Variants in PPP3CA observed in about 807,000 individuals in gnomAD.
PPP3CA encodes CAM-PRP catalytic subunit.
Under a neutral mutation model 66.5 loss-of-function variants are expected in PPP3CA, and 14 were observed. That is an observed-to-expected ratio of 0.21 (90% confidence interval 0.14 to 0.33). The LOEUF is 0.33. Among genes scored for constraint, PPP3CA ranks in the 10% least tolerant of loss-of-function variants. The pLI, the probability that PPP3CA is intolerant of heterozygous loss-of-function variation, is 1.00. For synonymous variants in PPP3CA, 232 were observed against 226.2 expected (o/e 1.03, Z -0.23); for missense variants, 317 against 639.5 (o/e 0.50, Z 5.44).
chr4:101,333,255 G>C (rs115527304), intron 1 of PPP3CA, among the ~76,000 whole-genome samples: 1,783 of 125,748 alleles, frequency 0.014, 52 homozygotes, highest in African/African-American at 0.051. Context: ...CTACAGGCAT[G>C]CACTACCATG....
At chr4:101,235,967 C>A (rs1726114823) in intron 1 of PPP3CA, among the ~76,000 whole-genome samples, 1 of 150,918 alleles carries the variant, frequency 6.6e-6, no homozygotes, top group Non-Finnish European at 1.5e-5. Context: ...TCAAATTCAC[C>A]ATGGCTGGAC....
intron 2 of PPP3CA, among the ~76,000 whole-genome samples, chr4:101,193,788 T>TC (rs778344533): frequency 2.1e-3 from 289 of 136,784 alleles, no homozygotes; most frequent in East Asian, 0.015. Context: ...CATTTTAACT[T>TC]TAAAAAATGC....
chr4:101,099,933 T>A (rs1039913467), intron 3 of PPP3CA, among the ~76,000 whole-genome samples: 6 of 151,670 alleles, frequency 4.0e-5, no homozygotes, highest in African/African-American at 1.5e-4. Flanking sequence ...AAAACATACA[T>A]ACACGCACTG....
intron 5 of PPP3CA, among the ~76,000 whole-genome samples, chr4:101,098,141 G>A (rs186627656): frequency 4.1e-4 from 63 of 152,172 alleles, no homozygotes; most frequent in African/African-American, 1.4e-3. Flanking sequence ...AAAGACACAT[G>A]TCAGATGGTA....
chr4:101,209,383 A>G (rs967764293), intron 1 of PPP3CA, among the ~76,000 whole-genome samples: 1 of 152,174 alleles, frequency 6.6e-6, no homozygotes, highest in Admixed American at 6.6e-5. Context: ...GGGGGACCCA[A>G]TTATTACTGT....
At chr4:101,216,556 T>G (rs1725462990) in intron 1 of PPP3CA, among the ~76,000 whole-genome samples, 1 of 152,102 alleles carries the variant, frequency 6.6e-6, no homozygotes, top group Admixed American at 6.6e-5. Flanking sequence ...TTTCTTTTCT[T>G]AAGACAGGGT....
chr4:101,238,766 G>C (rs1396752847), intron 1 of PPP3CA, among the ~76,000 whole-genome samples: 2 of 152,008 alleles, frequency 1.3e-5, no homozygotes, highest in Non-Finnish European at 2.9e-5. Context: ...TGTAAAAAGA[G>C]AAACCAGAAT....
intron 1 of PPP3CA, among the ~76,000 whole-genome samples, chr4:101,303,612 T>C (rs1419538093): frequency 6.6e-6 from 1 of 152,220 alleles, no homozygotes; most frequent in African/African-American, 2.4e-5. Flanking sequence ...AATACATCTT[T>C]AACAATTAAC....
At chr4:101,218,159 G>T (rs1470661647) in intron 1 of PPP3CA, among the ~76,000 whole-genome samples, 11 of 152,056 alleles carry the variant, frequency 7.2e-5, no homozygotes, top group Non-Finnish European at 1.6e-4. Context: ...CAAAGAATGA[G>T]TGTGAAGGGA....
intron 1 of PPP3CA, among the ~76,000 whole-genome samples, chr4:101,312,120 G>A (rs1159578449): frequency 6.6e-6 from 1 of 151,898 alleles, no homozygotes; most frequent in Non-Finnish European, 1.5e-5. Flanking sequence ...AGACAATCAG[G>A]AGTCAATAAA....
intron 3 of PPP3CA, among the ~76,000 whole-genome samples, chr4:101,101,596 AATAC>A (rs1260533715): frequency 6.6e-6 from 1 of 152,086 alleles, no homozygotes; most frequent in African/African-American, 2.4e-5. Context: ...TGGGGGAGAG[AATAC>A]ATGTTCTGAA....
chr4:101,224,865 G>A (rs1208793190), intron 1 of PPP3CA, among the ~76,000 whole-genome samples: 3 of 151,680 alleles, frequency 2.0e-5, no homozygotes, highest in Non-Finnish European at 4.4e-5. Context: ...TCAGAGAAAA[G>A]CCAAAGCCCT....
At chr4:101,055,819 T>C (rs891145656) in intron 10 of PPP3CA, among the ~76,000 whole-genome samples, 1 of 152,066 alleles carries the variant, frequency 6.6e-6, no homozygotes, top group African/African-American at 2.4e-5. Context: ...GCAAAATCTA[T>C]TTCTTCATTT....
chr4:101,030,030 GAA>G (rs1467310708), intron 12 of PPP3CA, among the ~76,000 whole-genome samples: 1 of 151,964 alleles, frequency 6.6e-6, no homozygotes. Context: ...CCTAAATACT[GAA>G]TATACAGAAA....
intron 2 of PPP3CA, among the ~76,000 whole-genome samples, chr4:101,136,370 G>A (rs1428751063): frequency 2.6e-5 from 4 of 152,016 alleles, no homozygotes; most frequent in South Asian, 2.1e-4. Context: ...ATGAAACCCC[G>A]TCTCTACTAA....
chr4:101,184,424 G>A (rs1372616939), intron 2 of PPP3CA, among the ~76,000 whole-genome samples: 1 of 152,102 alleles, frequency 6.6e-6, no homozygotes, highest in Non-Finnish European at 1.5e-5. Context: ...GCCACAAGTG[G>A]CAATTGAGCA....
At chr4:101,258,874 C>G (rs941831364) in intron 1 of PPP3CA, among the ~76,000 whole-genome samples, 4 of 152,100 alleles carry the variant, frequency 2.6e-5, no homozygotes, top group Non-Finnish European at 5.9e-5. Context: ...CAACAAACCA[C>G]ACTCCAAATC....
At chr4:101,096,301 T>C (rs998791751) in intron 5 of PPP3CA, among the ~76,000 whole-genome samples, 4 of 152,214 alleles carry the variant, frequency 2.6e-5, no homozygotes, top group East Asian at 1.9e-4. Flanking sequence ...TAGAGACTTA[T>C]GGTATGCAAA....
At chr4:101,298,343 T>A (rs1247749965) in intron 1 of PPP3CA, among the ~76,000 whole-genome samples, 1 of 150,764 alleles carries the variant, frequency 6.6e-6, no homozygotes, top group Non-Finnish European at 1.5e-5. Context: ...CAGGGAGATA[T>A]ATATATATAT....
Sources: gnomAD v4.1 joint callset for allele counts (sites outside exome capture counted in the v4.1 genomes callset) on GRCh38, gnomAD v4.1.1 for gene constraint, MANE v1.5 for transcripts, NCBI Gene and HGNC (gene_info 2026-07-23, HGNC 2026-07-21) for gene names.